PRELID2: variants seen among roughly 807,000 people sequenced by gnomAD.
The protein encoded by PRELID2 is PRELI domain containing 2.
In PRELID2, 25 loss-of-function variants were observed where a neutral mutation model predicts 28.4. That is an observed-to-expected ratio of 0.88 (90% CI 0.64 to 1.23). PRELID2 has a LOEUF of 1.23. Ranked by LOEUF, PRELID2 falls within the 50% of genes most tolerant of loss-of-function variation. The probability of loss-of-function intolerance (pLI) is 0.00; values close to 1 mark genes in which losing one functional copy is unlikely to be tolerated. For synonymous variants in PRELID2, 76 were observed against 71.6 expected (o/e 1.06, Z -0.31); for missense variants, 201 against 214.4 (o/e 0.94, Z 0.39).
chr5:145,505,388 A>C (rs1752401771), intron 1 of PRELID2, among the ~76,000 whole-genome samples: 1 of 152,118 alleles, frequency 6.6e-6, no homozygotes, highest in South Asian at 2.1e-4. Context: ...TGTAGCTCTC[A>C]TTTTCCCACT....
the PRELID2 span, among the ~76,000 whole-genome samples, chr5:145,269,509 A>G: frequency 6.6e-6 from 1 of 152,130 alleles, no homozygotes; most frequent in Non-Finnish European, 1.5e-5. Flanking sequence ...TAGACAAAAT[A>G]CAAAAGCTAA....
chr5:145,755,380 T>C (rs138928696), downstream of PRELID2, among the ~76,000 whole-genome samples: 381 of 152,322 alleles, frequency 2.5e-3, 2 homozygotes, highest in African/African-American at 8.5e-3. Flanking sequence ...TCCTGCTCAT[T>C]CCTCTCATTA....
chr5:145,431,213 C>G, the PRELID2 span, among the ~76,000 whole-genome samples: 1 of 151,814 alleles, frequency 6.6e-6, no homozygotes, highest in Non-Finnish European at 1.5e-5. Flanking sequence ...CTCCCAATCA[C>G]TAGTCTTTCT....
At chr5:145,479,707 A>G (rs1752138885) in intron 1 of PRELID2, among the ~76,000 whole-genome samples, 1 of 152,238 alleles carries the variant, frequency 6.6e-6, no homozygotes, top group Admixed American at 6.5e-5. Context: ...CCAGAAACTC[A>G]GGTCTTTTGC....
downstream of PRELID2, among the ~76,000 whole-genome samples, chr5:145,752,005 G>C (rs926477478): frequency 2.0e-5 from 3 of 152,048 alleles, no homozygotes; most frequent in Admixed American, 6.6e-5. Flanking sequence ...GTTTTTGTCG[G>C]TCTATGCTGT....
chr5:145,487,638 A>C (rs1438653223), intron 1 of PRELID2, among the ~76,000 whole-genome samples: 1 of 152,114 alleles, frequency 6.6e-6, no homozygotes, highest in African/African-American at 2.4e-5. Context: ...ATTTCCCTTC[A>C]CATCACATCC....
At chr5:145,484,894 T>C (rs1752199661) in intron 1 of PRELID2, among the ~76,000 whole-genome samples, 1 of 152,140 alleles carries the variant, frequency 6.6e-6, no homozygotes, top group Non-Finnish European at 1.5e-5. Context: ...AGTTCAGGAC[T>C]TTGTCTGAGA....
chr5:145,451,365 G>A, the PRELID2 span, among the ~76,000 whole-genome samples: 4 of 152,150 alleles, frequency 2.6e-5, no homozygotes, highest in African/African-American at 9.7e-5. Context: ...AAGGTTGTCT[G>A]ACTGCTTCAT....
chr5:145,452,324 C>T, the PRELID2 span, among the ~76,000 whole-genome samples: 12 of 152,190 alleles, frequency 7.9e-5, no homozygotes, highest in African/African-American at 2.9e-4. Context: ...CCTCTTCCTT[C>T]TCCTGTCCCC....
intron 1 of PRELID2, among the ~76,000 whole-genome samples, chr5:145,479,758 G>T (rs895678009): frequency 6.6e-6 from 1 of 152,180 alleles, no homozygotes; most frequent in Non-Finnish European, 1.5e-5. Flanking sequence ...CAAATTTCTG[G>T]TCTTCCAATT....
intron 1 of PRELID2, among the ~76,000 whole-genome samples, chr5:145,527,203 G>A (rs139152278): frequency 5.6e-4 from 85 of 152,254 alleles, no homozygotes; most frequent in African/African-American, 2.0e-3. Flanking sequence ...CATTATGATG[G>A]TGGTTATATA....
At chr5:145,608,526 T>A (rs955888819) in intron 1 of PRELID2, among the ~76,000 whole-genome samples, 1 of 152,338 alleles carries the variant, frequency 6.6e-6, no homozygotes, top group East Asian at 1.9e-4. Flanking sequence ...GATATGAAAT[T>A]CTTGGTTGGA....
intron 1 of PRELID2, among the ~76,000 whole-genome samples, chr5:145,708,088 C>A (rs192578289): frequency 2.1e-4 from 32 of 152,130 alleles, no homozygotes; most frequent in African/African-American, 7.7e-4. Context: ...TTGAGATGTG[C>A]TATTGGGGTG....
intron 5 of PRELID2, among the ~76,000 whole-genome samples, chr5:145,785,541 C>G (rs769344711): frequency 6.6e-6 from 1 of 152,174 alleles, no homozygotes; most frequent in African/African-American, 2.4e-5. Context: ...GCCTCACATG[C>G]CAGAGGCTGT....
chr5:145,508,778 C>T (rs1263456092), intron 1 of PRELID2, among the ~76,000 whole-genome samples: 1 of 152,022 alleles, frequency 6.6e-6, no homozygotes, highest in Non-Finnish European at 1.5e-5. Flanking sequence ...AAGGAGAAAA[C>T]AAACATGCAG....
chr5:145,478,164 C>A (rs1752120554), intron 1 of PRELID2, among the ~76,000 whole-genome samples: 1 of 152,168 alleles, frequency 6.6e-6, no homozygotes, highest in African/African-American at 2.4e-5. Flanking sequence ...AGGGTAGTAG[C>A]CATTTGACTT....
chr5:145,765,854 G>A lies in PRELID2; in HGVS notation c.475-854C>T, dbSNP rs185796820. ...CTATCCTTACCCACATTTTACTGACGAGGAAACAGAAACTCAAAGAGGTTT... is the reference window on the plus strand; with the variant it reads ...CTATCCTTACCCACATTTTACTGACAAGGAAACAGAAACTCAAAGAGGTTT... On this transcript the variant is annotated intron_variant, in intron 5 of 6. Coordinates refer to ENST00000683046, the MANE Select transcript of PRELID2 (RefSeq NM_205846.3). Among the ~76,000 whole-genome samples, 8 of 152,172 alleles carry A rather than the reference G, an allele frequency of 5.3e-5. No individual in the cohort carries two copies. The East Asian group carries it at 9.7e-4, about 18-fold the overall frequency.
chr5:145,727,129 G>A (rs766908582), intron 1 of PRELID2, among the ~76,000 whole-genome samples: 1 of 152,236 alleles, frequency 6.6e-6, no homozygotes, highest in Non-Finnish European at 1.5e-5. Context: ...AGGGAGCACT[G>A]CGTTAAGCAC....
intron 1 of PRELID2, among the ~76,000 whole-genome samples, chr5:145,631,495 G>A (rs1049061317): frequency 2.0e-5 from 3 of 152,128 alleles, no homozygotes; most frequent in African/African-American, 7.2e-5. Flanking sequence ...CTACAGGCTT[G>A]TAGGGTATGA....
Sources: allele counts gnomAD v4.1 joint callset (sites outside exome capture counted in the v4.1 genomes callset), GRCh38; gene constraint gnomAD v4.1.1; transcripts MANE v1.5; gene names NCBI Gene and HGNC (gene_info 2026-07-23, HGNC 2026-07-21).